The following STK38 variants were observed in gnomAD, a reference collection of about 807,000 sequenced individuals.
STK38 encodes serine/threonine kinase 38, also known as serine/threonine-protein kinase 38.
Under a neutral mutation model 59.0 loss-of-function variants are expected in STK38, and 26 were observed. That is an observed-to-expected ratio of 0.44 (90% CI 0.32 to 0.61). The LOEUF is 0.61. Among genes scored for constraint, STK38 ranks in the 20% least tolerant of loss-of-function variants. The pLI, the probability that STK38 is intolerant of heterozygous loss-of-function variation, is 0.04. For missense variants in STK38, 433 were observed against 566.0 expected (o/e 0.76, Z 2.38); for synonymous variants, 175 against 176.6 (o/e 0.99, Z 0.07).
At chr6:36,524,609 G>A in intron 3 of STK38, 146 bp from the exon 4 acceptor site, 1 of 771,522 alleles carries the variant, frequency 1.3e-6, no homozygotes, top group Non-Finnish European at 2.0e-6. Context: ...CACCCCAGAA[G>A]GATCCTTAAG....
intron 10 of STK38, 103 bp from the exon 11 acceptor site, chr6:36,498,589 CTTTTTT>C: frequency 2.1e-6 from 2 of 935,776 alleles, no homozygotes; most frequent in Non-Finnish European, 1.5e-6. Context: ...TTTCTTTTTT[CTTTTTT>C]TTTTTTTTTT....
intron 1 of STK38, among the ~76,000 whole-genome samples, chr6:36,544,375 C>A (rs749316909): frequency 6.6e-6 from 1 of 151,830 alleles, no homozygotes; most frequent in Non-Finnish European, 1.5e-5. Context: ...GTTTGTGAAG[C>A]TTGGGTGTGG....
chr6:36,511,122 G>A (rs143926179), intron 7 of STK38, among the ~76,000 whole-genome samples: 258 of 152,282 alleles, frequency 1.7e-3, no homozygotes, highest in African/African-American at 6.1e-3. Flanking sequence ...TGACTTCAAT[G>A]TCTGTGGTCT....
chr6:36,498,592 T>TC, intron 10 of STK38, 106 bp from the exon 11 acceptor site: 1 of 973,782 alleles, frequency 1.0e-6, no homozygotes, highest in East Asian at 4.0e-5. Context: ...CTTTTTTCTT[T>TC]TTTTTTTTTT....
chr6:36,544,413 C>G (rs143165590), intron 1 of STK38, among the ~76,000 whole-genome samples: 15 of 152,106 alleles, frequency 9.9e-5, no homozygotes, highest in African/African-American at 3.4e-4. Context: ...TGTACCCCCC[C>G]CTCCACCCAC....
chr6:36,515,492 C>A lies in STK38; in HGVS notation c.515G>T (p.Gly172Val). 2 of 1,612,448 alleles carry A rather than the reference C, an allele frequency of 1.2e-6. No individual in the cohort carries two copies. The highest frequency in any genetic ancestry group is 1.1e-5 in the South Asian group (1 of 90,992). Residue 172 changes from glycine to valine, a missense_variant and splice_region_variant, in exon 7 of 14, where the codon GGG becomes GTG. By Grantham distance (109) the Gly-to-Val change is moderately radical. Coordinates refer to ENST00000229812, the MANE Select transcript of STK38 (RefSeq NM_007271.4). ...LYLIMEFLPG[G>V]DMMTLLMKKD... is the part of the protein sequence containing the mutation. ...TTTCATCAACAAGGTCATCATGTCC[C>A]CTGGAAACAAGAAGATACAAAGCCA...
intron 2 of STK38, among the ~76,000 whole-genome samples, chr6:36,530,112 G>A (rs1777630263): frequency 2.0e-5 from 3 of 151,860 alleles, no homozygotes; most frequent in Non-Finnish European, 2.9e-5. Context: ...GTGGTGGCAC[G>A]TGCCTGTAAT....
chr6:36,495,978 C>CTG lies in STK38; in HGVS notation c.1268-66_1268-65dup, dbSNP rs528558569. ...TGCCTCCAATGGACTGCTCACGGTG[C>CTG]TGAAGACAGGACTATGAAGAACACA... On this transcript the variant is annotated intron_variant, in intron 13 of 13. Coordinates refer to ENST00000229812, the MANE Select transcript of STK38 (RefSeq NM_007271.4). The CTG allele has an allele frequency of 3.8e-5, 61 of 1,589,088 alleles. 3 individuals carry two copies. In the South Asian group the frequency reaches 5.9e-4, roughly 15 times the overall value.
At chr6:36,539,367 C>CA (rs1371982569) in intron 2 of STK38, among the ~76,000 whole-genome samples, 1 of 144,630 alleles carries the variant, frequency 6.9e-6, no homozygotes. Context: ...GCCTGGGCAA[C>CA]AGAGTGAGAT....
intron 7 of STK38, among the ~76,000 whole-genome samples, chr6:36,507,975 C>A (rs890728909): frequency 6.9e-6 from 1 of 144,342 alleles, no homozygotes; most frequent in Admixed American, 7.2e-5. Context: ...GCTGTGTCAC[C>A]CAAACTGGAG....
chr6:36,535,874 C>CAAAAAAAAAAAAAAAAAA (rs35930267), intron 2 of STK38, among the ~76,000 whole-genome samples: 3 of 75,420 alleles, frequency 4.0e-5, no homozygotes, highest in Non-Finnish European at 9.5e-5. Context: ...GACTCCGTCT[C>CAAAAAAAAAAAAAAAAAA]AAAAAAAAAA....
intron 2 of STK38, among the ~76,000 whole-genome samples, chr6:36,527,205 A>AT (rs1401899969): frequency 0.016 from 1,769 of 112,624 alleles, 43 homozygotes; most frequent in East Asian, 0.023. Flanking sequence ...AAAAAAAAAA[A>AT]AAATATATGT....
In STK38 at chr6:36,507,502, A is replaced by C; in HGVS notation, c.770T>G (p.Phe257Cys). The C allele has an allele frequency of 6.2e-7, 1 of 1,613,896 alleles. No individual in the cohort carries two copies. The highest frequency in any genetic ancestry group is 8.5e-7 in the Non-Finnish European group (1 of 1,179,816). Residue 257 changes from phenylalanine (F) to cysteine (C), a missense_variant and splice_region_variant, in exon 8 of 14, where the codon TTC (phenylalanine) becomes TGC (cysteine). Phe to Cys is a radical substitution (Grantham distance 205). This residue lies in a region of STK38 where 293 missense variants were observed against 388.2 expected (regional missense o/e 0.75). Coordinates refer to ENST00000229812, the MANE Select transcript of STK38 (RefSeq NM_007271.4). ...CTAACGTAATTGTTACCACTTACTG[A>C]AATCACTGGGGAGGCTGTGGTTCAG... The part of the protein sequence containing the change: ...RNLNHSLPSD[F>C]TFQNMNSKRK...
chr6:36,539,961 C>T (rs1777892096), intron 2 of STK38, 111 bp downstream of exon 2: 1 of 1,510,474 alleles, frequency 6.6e-7, no homozygotes, highest in Non-Finnish European at 8.9e-7. Flanking sequence ...TTATGATAGT[C>T]TATAATAAGG....
chr6:36,528,276 A>G (rs1421667667), intron 2 of STK38, among the ~76,000 whole-genome samples: 1 of 152,168 alleles, frequency 6.6e-6, no homozygotes, highest in Non-Finnish European at 1.5e-5. Flanking sequence ...TAAGATTTCT[A>G]TTTTAGAATG....
At chr6:36,527,925 C>T (rs9470304) in intron 2 of STK38, among the ~76,000 whole-genome samples, 35,249 of 149,790 alleles carry the variant, frequency 0.24, 4,380 homozygotes, top group East Asian at 0.37. Flanking sequence ...CAGAGAAACC[C>T]CATCTCTACT....
At chr6:36,508,432 T>C (rs891564450) in intron 7 of STK38, among the ~76,000 whole-genome samples, 5 of 152,218 alleles carry the variant, frequency 3.3e-5, no homozygotes, top group Non-Finnish European at 7.3e-5. Flanking sequence ...CCTTAATAAA[T>C]GGTTGTTAAA....
intron 3 of STK38, among the ~76,000 whole-genome samples, chr6:36,525,326 AT>A (rs60300474): frequency 0.24 from 35,972 of 152,128 alleles, 4,480 homozygotes; most frequent in East Asian, 0.37. Flanking sequence ...CTCTTTTAAA[AT>A]TTAATTTGAT....
At chr6:36,506,824 T>C (rs1030975235) in intron 8 of STK38, among the ~76,000 whole-genome samples, 180 bp from the exon 9 acceptor site, 23 of 150,800 alleles carry the variant, frequency 1.5e-4, no homozygotes, top group Admixed American at 9.9e-4. Flanking sequence ...TCAGAGGCTG[T>C]AAAGCATTAA....
Sources: gnomAD v4.1 joint callset for allele counts (sites outside exome capture counted in the v4.1 genomes callset) on GRCh38, gnomAD v4.1.1 for gene constraint, gnomAD v4.1.1 regional missense constraint, MANE v1.5 for transcripts, NCBI Gene and HGNC (gene_info 2026-07-23, HGNC 2026-07-21) for gene names.